CCDC7: variants seen among roughly 807,000 people sequenced by gnomAD.
The protein encoded by CCDC7 is coiled-coil domain containing 7.
Under a neutral mutation model 196.9 loss-of-function variants are expected in CCDC7, and 183 were observed. The ratio of observed to expected loss-of-function variants is 0.93; its 90% CI spans 0.82 to 1.05. The LOEUF (loss-of-function observed/expected upper bound fraction) is 1.05. Among genes scored for constraint, CCDC7 ranks in the 50% least tolerant of loss-of-function variants. The pLI is 0.00. For missense variants in CCDC7, 1,540 were observed against 1,482.2 expected, an observed-to-expected ratio of 1.04 and a Z score of -0.64; for synonymous variants, 525 against 484.6, an observed-to-expected ratio of 1.08 and a Z score of -1.10.
chr10:32,740,639 G>T (rs549909172), intron 28 of CCDC7, among the ~76,000 whole-genome samples: 32 of 152,216 alleles, frequency 2.1e-4, no homozygotes, highest in East Asian at 1.2e-3. Context: ...ATGAACCAAA[G>T]AACAAACTTC....
chr10:32,562,375 T>G (rs2055868384), intron 13 of CCDC7, among the ~76,000 whole-genome samples: 1 of 152,212 alleles, frequency 6.6e-6, no homozygotes, highest in Admixed American at 6.5e-5. Flanking sequence ...CCAATGTCCT[T>G]GATGAACATT....
At chr10:32,739,848 C>A (rs1450879596) in intron 28 of CCDC7, among the ~76,000 whole-genome samples, 1 of 140,098 alleles carries the variant, frequency 7.1e-6, no homozygotes. Flanking sequence ...AAAATATTGT[C>A]ATTATTTTTG....
intron 18 of CCDC7, among the ~76,000 whole-genome samples, chr10:32,618,195 C>T (rs2062985396): frequency 6.6e-6 from 1 of 151,882 alleles, no homozygotes; most frequent in Non-Finnish European, 1.5e-5. Context: ...GTCTGCCAAT[C>T]TCTATCTTTT....
chr10:32,642,866 G>A (rs11598132), intron 20 of CCDC7, among the ~76,000 whole-genome samples: 21,576 of 152,104 alleles, frequency 0.14, 1,884 homozygotes, highest in African/African-American at 0.25. Context: ...TGAATTAGAT[G>A]AAAATATTTT....
At chr10:32,808,968 C>T (rs1221948248) in intron 30 of CCDC7, among the ~76,000 whole-genome samples, 1 of 152,158 alleles carries the variant, frequency 6.6e-6, no homozygotes, top group Non-Finnish European at 1.5e-5. Flanking sequence ...TGAGATCAGA[C>T]ATTTGAGGCC....
intron 24 of CCDC7, among the ~76,000 whole-genome samples, chr10:32,698,533 T>C (rs949169426): frequency 2.6e-5 from 4 of 152,106 alleles, no homozygotes; most frequent in African/African-American, 7.2e-5. Flanking sequence ...CTGAAAACCA[T>C]GGCACGAGAA....
chr10:32,630,347 C>CAT (rs2064683304), intron 18 of CCDC7, among the ~76,000 whole-genome samples: 1 of 150,528 alleles, frequency 6.6e-6, no homozygotes, highest in Non-Finnish European at 1.5e-5. Flanking sequence ...TATATATATG[C>CAT]ATATATATGT....
chr10:32,730,674 G>A (rs924317022), intron 28 of CCDC7, among the ~76,000 whole-genome samples: 1 of 151,820 alleles, frequency 6.6e-6, no homozygotes, highest in African/African-American at 2.4e-5. Flanking sequence ...ACACTGATTT[G>A]CTTATATCAT....
chr10:32,797,216 C>T (rs1018144423), intron 29 of CCDC7, among the ~76,000 whole-genome samples: 1 of 145,238 alleles, frequency 6.9e-6, no homozygotes, highest in Non-Finnish European at 1.5e-5. Context: ...CACATATACA[C>T]ACACACATAT....
intron 29 of CCDC7, among the ~76,000 whole-genome samples, chr10:32,797,680 T>C (rs1405049622): frequency 6.6e-6 from 1 of 151,982 alleles, no homozygotes; most frequent in Non-Finnish European, 1.5e-5. Context: ...GTTTAAAAAA[T>C]AAATAAAAAA....
At chr10:32,868,553 G>A (rs1244484100) in intron 41 of CCDC7, among the ~76,000 whole-genome samples, 2 of 151,772 alleles carry the variant, frequency 1.3e-5, no homozygotes, top group African/African-American at 4.8e-5. Flanking sequence ...CTATGTTTTA[G>A]CATTTATCAG....
chr10:32,729,659 T>C (rs1484867953), intron 28 of CCDC7, among the ~76,000 whole-genome samples: 1 of 152,162 alleles, frequency 6.6e-6, no homozygotes, highest in Non-Finnish European at 1.5e-5. Flanking sequence ...ATTTCTCTAT[T>C]TCTTCTTGTA....
chr10:32,774,719 G>A (rs1275028479), intron 28 of CCDC7, among the ~76,000 whole-genome samples: 1 of 152,030 alleles, frequency 6.6e-6, no homozygotes, highest in Non-Finnish European at 1.5e-5. Flanking sequence ...GATTTTCCTG[G>A]TTATTTATCT....
At chr10:32,780,664 C>T (rs11815057) in intron 29 of CCDC7, among the ~76,000 whole-genome samples, 6,936 of 152,074 alleles carry the variant, frequency 0.046, 536 homozygotes, top group African/African-American at 0.16. Flanking sequence ...GGAATCAAAA[C>T]ATGTGCCTAC....
intron 25 of CCDC7, among the ~76,000 whole-genome samples, chr10:32,720,987 C>T (rs73261237): frequency 9.9e-5 from 15 of 151,946 alleles, no homozygotes; most frequent in South Asian, 2.1e-4. Context: ...CAGCTACTTG[C>T]GGGTGCTGAA....
intron 25 of CCDC7, among the ~76,000 whole-genome samples, chr10:32,720,113 T>G (rs1352783633): frequency 2.0e-5 from 3 of 152,114 alleles, no homozygotes; most frequent in African/African-American, 4.8e-5. Flanking sequence ...TGCAGCACTA[T>G]TCACAATAGC....
At chr10:32,600,432 C>T (rs1054862148) in intron 18 of CCDC7, among the ~76,000 whole-genome samples, 1 of 151,906 alleles carries the variant, frequency 6.6e-6, no homozygotes, top group Non-Finnish European at 1.5e-5. Flanking sequence ...TTACTGAATT[C>T]ATTTATCAAA....
chr10:32,495,547 C>T (rs779949028), intron 9 of CCDC7, among the ~76,000 whole-genome samples: 2 of 152,054 alleles, frequency 1.3e-5, no homozygotes, highest in Non-Finnish European at 2.9e-5. Context: ...GTGTCTAATC[C>T]ATCTTGAGTT....
At chr10:32,855,257 T>G (rs1039713140) in intron 41 of CCDC7, among the ~76,000 whole-genome samples, 2 of 152,104 alleles carry the variant, frequency 1.3e-5, no homozygotes, top group African/African-American at 4.8e-5. Flanking sequence ...CCTCAACCTT[T>G]TTGACAGCAG....
Sources: allele counts gnomAD v4.1 joint callset (sites outside exome capture counted in the v4.1 genomes callset), GRCh38; gene constraint gnomAD v4.1.1; transcripts MANE v1.5; gene names NCBI Gene and HGNC (gene_info 2026-07-23, HGNC 2026-07-21).